The following SCARB1 variants were observed in gnomAD, a reference collection of about 807,000 sequenced individuals.
The protein encoded by SCARB1 is scavenger receptor class B member 1.
In SCARB1, 30 loss-of-function variants were observed where a neutral mutation model predicts 57.2. The ratio of observed to expected loss-of-function variants is 0.52; its 90% CI spans 0.39 to 0.71. The LOEUF (loss-of-function observed/expected upper bound fraction) is 0.71, where lower values mean the gene tolerates loss of function less well. SCARB1 is among the 30% of genes least tolerant of loss of function. SCARB1 has a pLI of 0.00. For synonymous variants in SCARB1, 249 were observed against 268.3 expected, an observed-to-expected ratio of 0.93 and a Z score of 0.70; for missense variants, 543 against 671.2, an observed-to-expected ratio of 0.81 and a Z score of 2.11.
Position 124,817,044 on chromosome 12 carries a change from G to A in SCARB1, c.284+506C>T, listed in dbSNP as rs1034426622. ...CATGTGTGTGTGTGTGTGTGTGTGT[G>A]TGTGTATGTGTGTATGCATGTGTAG... is the stretch of plus-strand genomic sequence containing the variant. On this transcript the variant is annotated intron_variant, in intron 2 of 12. Transcript: ENST00000261693. The surrounding 1 kb of genome is among the most constrained non-coding windows in gnomAD (Gnocchi z 4.8). Among the ~76,000 whole-genome samples, 2 of 138,368 alleles carry A rather than the reference G, an allele frequency of 1.4e-5. No individual in the cohort carries two copies. The highest frequency in any genetic ancestry group is 2.4e-4 in the South Asian group (1 of 4,124). The allele number at this position is 138,368 out of a possible 152,430, so 90.8% of individuals were successfully genotyped here. A position where few individuals can be genotyped will look rare whatever the true frequency, so the allele number is the denominator to read the frequency against.
chr12:124,820,401 G>T (rs1950905854), intron 1 of SCARB1, among the ~76,000 whole-genome samples: 1 of 152,100 alleles, frequency 6.6e-6, no homozygotes, highest in South Asian at 2.1e-4. Context: ...CCTGGGGGAG[G>T]TGGTATGTGA....
At chr12:124,840,588 A>G (rs1454943484) in intron 1 of SCARB1, among the ~76,000 whole-genome samples, 1 of 151,946 alleles carries the variant, frequency 6.6e-6, no homozygotes, top group Non-Finnish European at 1.5e-5. Flanking sequence ...CCCACACTCC[A>G]TCTGCTCTCA....
chr12:124,861,620 G>T (rs1326443320), intron 1 of SCARB1, among the ~76,000 whole-genome samples: 2 of 152,212 alleles, frequency 1.3e-5, no homozygotes, highest in Non-Finnish European at 2.9e-5. Context: ...CTTCTTCCAT[G>T]CTAAGGCACT....
At chr12:124,856,686 G>A (rs1952644037) in intron 1 of SCARB1, among the ~76,000 whole-genome samples, 1 of 152,226 alleles carries the variant, frequency 6.6e-6, no homozygotes. Flanking sequence ...TGCCCCACAT[G>A]TCCAAACAAG....
At position 124,814,898 on chromosome 12, in the gene SCARB1, A is replaced by G. The variant is rs1950645303; in HGVS notation, c.426+75T>C. On this transcript the variant is annotated intron_variant, in intron 3 of 12. Transcript: ENST00000261693. This position sits in a 1 kb window ranked among gnomAD's most constrained non-coding sequence, Gnocchi z 4.7. ...GACCACCTCAGGGACTGCTCTCTGC[A>G]CAAGGGGCAGGCGGGAGGAGAGACA... is the stretch of plus-strand genomic sequence containing the variant. 2 of 1,596,078 alleles carry G rather than the reference A, an allele frequency of 1.3e-6. No homozygotes were observed. The highest frequency in any genetic ancestry group is 2.2e-5 in the East Asian group (1 of 44,722).
chr12:124,792,150 T>C (rs536069227), intron 9 of SCARB1, among the ~76,000 whole-genome samples: 6 of 152,244 alleles, frequency 3.9e-5, no homozygotes, highest in Non-Finnish European at 7.3e-5. Context: ...CCAATGGGAA[T>C]TGTATTCAAG....
chr12:124,811,763 G>C, intron 5 of SCARB1, 107 bp downstream of exon 5: 1 of 761,794 alleles, frequency 1.3e-6, no homozygotes, highest in Non-Finnish European at 2.3e-6. Context: ...CCCTCTTCAC[G>C]ACAAAGGAAG....
Position 124,810,107 on chromosome 12 carries a change from C to T in SCARB1, c.842+67G>A. 2 of 981,118 alleles carry T rather than the reference C, an allele frequency of 2.0e-6. No homozygotes were observed. Among genetic ancestry groups the T allele is most frequent in the Non-Finnish European group, 3.3e-6 (2 of 612,480 alleles). 60.8% of individuals were successfully genotyped at this position (981,118 alleles called of 1,614,324 possible). A position where few individuals can be genotyped will look rare whatever the true frequency, so the allele number is the denominator to read the frequency against. On this transcript the variant is annotated intron_variant, in intron 6 of 12. Coordinates refer to ENST00000261693, the MANE Select transcript of SCARB1 (RefSeq NM_005505.5). This position sits in a 1 kb window ranked among gnomAD's most constrained non-coding sequence, Gnocchi z 4.0. Reference sequence around the variant, plus strand: ...GTCAAAATGCTTTCCAAGTGCACAGCCAACACCACAGAATTTGGCCATGAG... The same window carrying T: ...GTCAAAATGCTTTCCAAGTGCACAGTCAACACCACAGAATTTGGCCATGAG...
intron 9 of SCARB1, among the ~76,000 whole-genome samples, chr12:124,788,988 G>A (rs1949626362): frequency 6.6e-6 from 1 of 152,174 alleles, no homozygotes; most frequent in East Asian, 1.9e-4. Flanking sequence ...GGTACGGCTG[G>A]GGATGGCGGG....
chr12:124,846,303 C>G (rs999858800), intron 1 of SCARB1, among the ~76,000 whole-genome samples: 4 of 152,184 alleles, frequency 2.6e-5, no homozygotes, highest in Non-Finnish European at 5.9e-5. Flanking sequence ...AAGAGCTTGG[C>G]CCTTCTCCAT....
chr12:124,849,828 C>T (rs1309971706), intron 1 of SCARB1, among the ~76,000 whole-genome samples: 1 of 151,924 alleles, frequency 6.6e-6, no homozygotes, highest in Non-Finnish European at 1.5e-5. Context: ...TTTGGAAGAC[C>T]AAGGTGGGAG....
In SCARB1 at chr12:124,812,867, A is replaced by G. The variant is rs565643827; in HGVS notation, c.631-902T>C. Among the ~76,000 whole-genome samples the G allele has an allele frequency of 4.3e-4, 66 of 152,270 alleles. No individual in the cohort carries two copies. The highest frequency in any genetic ancestry group is 1.6e-3 in the African/African-American group (66 of 41,540). ...AGCCAAGAATAACCAGAGCCACTAC[A>G]AAGGGGAGCATTAAAGGGACTCATG... On this transcript the variant is annotated intron_variant, in intron 4 of 12. Coordinates refer to ENST00000261693, the MANE Select transcript of SCARB1 (RefSeq NM_005505.5). This position sits in a 1 kb window ranked among gnomAD's most constrained non-coding sequence, Gnocchi z 4.3.
Position 124,786,459 on chromosome 12 carries a change from C to G in SCARB1, c.1299G>C (p.Gln433His). 1 of 1,614,188 alleles carries G rather than the reference C, an allele frequency of 6.2e-7. No individual in the cohort carries two copies. The highest frequency in any genetic ancestry group is 2.2e-5 in the East Asian group (1 of 44,892). The change falls in exon 11 of 13, where the codon CAG becomes CAC. Residue 433 changes from glutamine to histidine, a missense_variant. Coordinates refer to ENST00000261693, the MANE Select transcript of SCARB1 (RefSeq NM_005505.5). ...GCATCACCTTGGGCATCAACACCAG[C>G]TGAGTGTAGAATGTGTGAAGAGTCT... is the stretch of plus-strand genomic sequence containing the variant. ...EGETLHTFYT[Q>H]LVLMPKVMHY...
Position 124,809,862 on chromosome 12 carries a change from C to T in SCARB1, c.842+312G>A, listed in dbSNP as rs549420748. On this transcript the variant is annotated intron_variant, in intron 6 of 12. Transcript: ENST00000261693. ...ATGGTCATGGGGGCCACCAGCCAGA[C>T]GCCAGAGGGAGCCCACCTCTCGCCT... 7.9e-5 allele frequency among the ~76,000 whole-genome samples: 12 copies of T among 152,274 alleles called. No homozygotes were observed. The South Asian group carries it at 8.3e-4, about 11-fold the overall frequency.
At chr12:124,854,165 A>G (rs1952538636) in intron 1 of SCARB1, among the ~76,000 whole-genome samples, 2 of 152,260 alleles carry the variant, frequency 1.3e-5, no homozygotes, top group Non-Finnish European at 2.9e-5. Context: ...GCACAGGGGG[A>G]CAAGGGGGAA....
intron 9 of SCARB1, among the ~76,000 whole-genome samples, chr12:124,792,721 CAAAAAAAAAAAAAAAAA>C (rs930596389): frequency 6.3e-5 from 2 of 31,726 alleles, no homozygotes; most frequent in African/African-American, 2.1e-4. Flanking sequence ...GACTTCGTCT[CAAAAAAAAAAAAAAAAA>C]AAAAAAAAGA....
In SCARB1 at chr12:124,791,389, G is replaced by C. The variant is rs557319479; in HGVS notation, c.1202+3806C>G. On this transcript the variant is annotated intron_variant, in intron 9 of 12. Transcript: ENST00000261693. ...TCTGTGACCTTGGGCGTGCTACTGAGCCTGTGTCCCTTCTGTATAAGCGAG... is the reference window on the plus strand; with the variant it reads ...TCTGTGACCTTGGGCGTGCTACTGACCCTGTGTCCCTTCTGTATAAGCGAG... Among the ~76,000 whole-genome samples the C allele has an allele frequency of 9.8e-4, 149 of 152,292 alleles. 1 individual carries two copies. The highest frequency in any genetic ancestry group is 1.2e-3 in the Non-Finnish European group (85 of 68,036).
chr12:124,787,502 C>G, intron 9 of SCARB1, 45 bp from the exon 10 acceptor site: 1 of 1,558,292 alleles, frequency 6.4e-7, no homozygotes, highest in Non-Finnish European at 8.8e-7. Flanking sequence ...AGTCTTACAC[C>G]CAAACTTGAT....
chr12:124,838,529 G>A (rs1265046882), intron 1 of SCARB1, among the ~76,000 whole-genome samples: 2 of 152,168 alleles, frequency 1.3e-5, no homozygotes, highest in East Asian at 3.9e-4. Context: ...ATAGGGCAAC[G>A]GTGGTTTGGG....
Sources: allele counts gnomAD v4.1 joint callset (sites outside exome capture counted in the v4.1 genomes callset), GRCh38; gene constraint gnomAD v4.1.1; non-coding constraint Gnocchi (gnomAD v3.1); transcripts MANE v1.5; gene names NCBI Gene and HGNC (gene_info 2026-07-23, HGNC 2026-07-21).